The following AGBL4 variants were observed in gnomAD, a reference collection of about 807,000 sequenced individuals.
The protein encoded by AGBL4 is AGBL carboxypeptidase 4, also known as cytosolic carboxypeptidase 6.
AGBL4 carries 58 observed loss-of-function variants against 66.4 expected under a neutral mutation model. The observed-to-expected ratio is 0.87, with a 90% CI of 0.71 to 1.09. The LOEUF (loss-of-function observed/expected upper bound fraction) is 1.09, where lower values mean the gene tolerates loss of function less well. Among genes scored for constraint, AGBL4 ranks in the 50% least tolerant of loss-of-function variants. The pLI, the probability that AGBL4 is intolerant of heterozygous loss-of-function variation, is 0.00. For missense variants in AGBL4, 579 were observed against 631.0 expected (o/e 0.92, Z 0.88); for synonymous variants, 234 against 222.9 (o/e 1.05, Z -0.44).
intron 2 of AGBL4, among the ~76,000 whole-genome samples, chr1:49,819,919 G>C (rs917216091): frequency 6.6e-6 from 1 of 152,148 alleles, no homozygotes; most frequent in African/African-American, 2.4e-5. Flanking sequence ...TTCCAGGAAT[G>C]GTGGGAGGAA....
At chr1:48,794,514 G>A (rs1645623258) in intron 6 of AGBL4, among the ~76,000 whole-genome samples, 1 of 152,154 alleles carries the variant, frequency 6.6e-6, no homozygotes, top group African/African-American at 2.4e-5. Flanking sequence ...CAACCCCACT[G>A]CAGTCTAGCC....
At chr1:49,312,714 A>T (rs941614601) in intron 3 of AGBL4, among the ~76,000 whole-genome samples, 3 of 152,108 alleles carry the variant, frequency 2.0e-5, no homozygotes, top group Non-Finnish European at 4.4e-5. Flanking sequence ...AAAAAAACAC[A>T]CAAAAAGATA....
At chr1:49,703,211 AC>A (rs1411365074) in intron 2 of AGBL4, among the ~76,000 whole-genome samples, 2 of 152,124 alleles carry the variant, frequency 1.3e-5, no homozygotes. Flanking sequence ...AAAAAAAAAA[AC>A]TATTTGAGCT....
intron 11 of AGBL4, among the ~76,000 whole-genome samples, chr1:48,581,547 T>G (rs997223822): frequency 6.6e-6 from 1 of 152,220 alleles, no homozygotes; most frequent in African/African-American, 2.4e-5. Context: ...AGTTTAGCCT[T>G]TCTCTCCCTC....
At chr1:49,074,087 C>A (rs573611966) in intron 4 of AGBL4, among the ~76,000 whole-genome samples, 3 of 152,330 alleles carry the variant, frequency 2.0e-5, no homozygotes, top group Admixed American at 6.5e-5. Context: ...CCCCTCCCCC[C>A]ACCAAGCTCC....
chr1:48,915,042 G>C (rs1653468994), intron 5 of AGBL4, among the ~76,000 whole-genome samples: 1 of 152,164 alleles, frequency 6.6e-6, no homozygotes, highest in African/African-American at 2.4e-5. Flanking sequence ...CGTCCGTGAG[G>C]AAATCTCTAT....
At chr1:49,193,896 T>A (rs1169055564) in intron 4 of AGBL4, among the ~76,000 whole-genome samples, 4 of 152,232 alleles carry the variant, frequency 2.6e-5, no homozygotes, top group Non-Finnish European at 4.4e-5. Context: ...AATTTCCATT[T>A]TAAAAAATTT....
chr1:48,776,968 C>G (rs1465437458), intron 6 of AGBL4: 1 of 490,904 alleles, frequency 2.0e-6, no homozygotes, highest in Non-Finnish European at 3.5e-6. Flanking sequence ...CCAGGCTCCC[C>G]CCACTGTTAT....
intron 1 of AGBL4, among the ~76,000 whole-genome samples, chr1:49,926,097 G>A (rs1260888054): frequency 6.6e-6 from 1 of 152,202 alleles, no homozygotes; most frequent in East Asian, 1.9e-4. Context: ...CTGGCTTCAG[G>A]TCTAACCCAG....
At chr1:49,898,284 T>G (rs923719876) in intron 1 of AGBL4, among the ~76,000 whole-genome samples, 2 of 151,928 alleles carry the variant, frequency 1.3e-5, no homozygotes, top group Non-Finnish European at 1.5e-5. Flanking sequence ...GAGCTAGTAA[T>G]TCAATTTAAA....
chr1:49,569,504 A>G (rs1644283859), intron 3 of AGBL4, among the ~76,000 whole-genome samples: 1 of 152,164 alleles, frequency 6.6e-6, no homozygotes, highest in African/African-American at 2.4e-5. Context: ...CCTACTACTT[A>G]CACACAAAAA....
At chr1:49,694,140 CA>C (rs1220386122) in intron 3 of AGBL4, among the ~76,000 whole-genome samples, 2 of 152,042 alleles carry the variant, frequency 1.3e-5, no homozygotes, top group Non-Finnish European at 2.9e-5. Context: ...ATGACTAATA[CA>C]TACATGTTTT....
chr1:49,822,534 G>C (rs145952103), intron 2 of AGBL4, among the ~76,000 whole-genome samples: 1 of 152,100 alleles, frequency 6.6e-6, no homozygotes, highest in Non-Finnish European at 1.5e-5. Context: ...ATGTCAGTCA[G>C]GCTGGTCTTG....
chr1:49,935,307 G>A (rs1382432451), intron 1 of AGBL4, among the ~76,000 whole-genome samples: 1 of 152,250 alleles, frequency 6.6e-6, no homozygotes, highest in Non-Finnish European at 1.5e-5. Flanking sequence ...GCCCAGGCTT[G>A]CTTAGATAAA....
At chr1:49,812,840 C>T (rs868626054) in intron 2 of AGBL4, among the ~76,000 whole-genome samples, 2 of 152,136 alleles carry the variant, frequency 1.3e-5, no homozygotes, top group Non-Finnish European at 2.9e-5. Context: ...GAAAGAGAAT[C>T]TAAGAGAAGT....
chr1:48,915,065 C>T (rs1653472979), intron 5 of AGBL4, among the ~76,000 whole-genome samples: 2 of 152,160 alleles, frequency 1.3e-5, no homozygotes, highest in Non-Finnish European at 2.9e-5. Flanking sequence ...TGTTATTTTT[C>T]TGTTTTACTT....
chr1:49,227,044 C>A (rs1485537040), intron 4 of AGBL4, among the ~76,000 whole-genome samples: 5 of 152,172 alleles, frequency 3.3e-5, no homozygotes, highest in Non-Finnish European at 7.4e-5. Context: ...TACCTAATCA[C>A]CTCCCCAAAG....
chr1:48,742,207 T>C (rs1650021846), intron 6 of AGBL4, among the ~76,000 whole-genome samples: 1 of 152,200 alleles, frequency 6.6e-6, no homozygotes, highest in Non-Finnish European at 1.5e-5. Flanking sequence ...AAGTGGTGAA[T>C]GAACACAAAC....
chr1:48,839,203 C>A (rs1646746256), intron 6 of AGBL4, among the ~76,000 whole-genome samples: 1 of 151,996 alleles, frequency 6.6e-6, no homozygotes, highest in African/African-American at 2.4e-5. Flanking sequence ...AGGAAATCAG[C>A]ATATTGAAGA....
Sources: gnomAD v4.1 joint callset for allele counts (sites outside exome capture counted in the v4.1 genomes callset) on GRCh38, gnomAD v4.1.1 for gene constraint, MANE v1.5 for transcripts, NCBI Gene and HGNC (gene_info 2026-07-23, HGNC 2026-07-21) for gene names.